Variants in FAM13C observed in about 807,000 individuals in gnomAD.
FAM13C encodes family with sequence similarity 13 member C, also known as protein FAM13C.
FAM13C carries 37 observed loss-of-function variants against 73.2 expected under a neutral mutation model. That is an observed-to-expected ratio of 0.51 (90% CI 0.39 to 0.67). The LOEUF (loss-of-function observed/expected upper bound fraction) is 0.67. Ranked by LOEUF, FAM13C falls within the 30% of genes least tolerant of loss-of-function variation. FAM13C has a pLI of 0.00. For missense variants in FAM13C, 589 were observed against 715.6 expected, an observed-to-expected ratio of 0.82 and a Z score of 2.02; for synonymous variants, 246 against 260.9, an observed-to-expected ratio of 0.94 and a Z score of 0.55.
intron 4 of FAM13C, among the ~76,000 whole-genome samples, chr10:59,313,956 GCA>G (rs1849236443): frequency 6.6e-6 from 1 of 152,124 alleles, no homozygotes; most frequent in African/African-American, 2.4e-5. Flanking sequence ...GCTGAAAACT[GCA>G]CAGTCAAAAG....
intron 5 of FAM13C, among the ~76,000 whole-genome samples, chr10:59,293,679 T>C (rs1033181341): frequency 2.0e-5 from 3 of 152,144 alleles, no homozygotes; most frequent in African/African-American, 7.2e-5. Flanking sequence ...AGGCCAAAAA[T>C]GTCCTAAAAA....
intron 6 of FAM13C, among the ~76,000 whole-genome samples, chr10:59,271,681 C>A (rs1366367135): frequency 6.6e-6 from 1 of 152,188 alleles, no homozygotes; most frequent in Non-Finnish European, 1.5e-5. Flanking sequence ...AGTTACTAAC[C>A]AATAACTCAT....
At chr10:59,254,575 T>A in intron 10 of FAM13C, 132 bp from the exon 11 acceptor site, 1 of 359,274 alleles carries the variant, frequency 2.8e-6, no homozygotes, top group Non-Finnish European at 4.8e-6. Context: ...AAAAGGAAAG[T>A]CATTTATTTA....
chr10:59,269,804 A>G lies in FAM13C; in HGVS notation c.803+95T>C, dbSNP rs748838575. On this transcript the variant is annotated intron_variant, in intron 7 of 13. Coordinates refer to ENST00000618804, the MANE Select transcript of FAM13C (RefSeq NM_198215.4). ...TCTCGCAGTTGCGTTAGGCAGGCAC[A>G]TTTGTGCTACTTCAGTCACACTTCA... The G allele has an allele frequency of 4.9e-6, 7 of 1,421,704 alleles. No homozygotes were observed. The Admixed American group carries it at 6.0e-5, about 12-fold the overall frequency. The allele number at this position is 1,421,704 out of a possible 1,614,324, so 88.1% of individuals were successfully genotyped here. A position where few individuals can be genotyped will look rare whatever the true frequency, so the allele number is the denominator to read the frequency against.
intron 3 of FAM13C, among the ~76,000 whole-genome samples, chr10:59,348,842 G>T (rs983034120): frequency 1.9e-4 from 29 of 152,220 alleles, no homozygotes; most frequent in African/African-American, 6.7e-4. Context: ...CACTATGTTG[G>T]CCAGGCTGGT....
At chr10:59,349,137 C>G (rs1172718334) in intron 3 of FAM13C, among the ~76,000 whole-genome samples, 2 of 152,164 alleles carry the variant, frequency 1.3e-5, no homozygotes, top group East Asian at 3.9e-4. Flanking sequence ...ATTATAAACT[C>G]TCATCAGACC....
intron 8 of FAM13C, among the ~76,000 whole-genome samples, chr10:59,265,107 A>C (rs1023105530): frequency 3.3e-5 from 5 of 151,900 alleles, no homozygotes; most frequent in African/African-American, 1.2e-4. Context: ...CAAAGGAAAA[A>C]ACTACTGTGT....
chr10:59,281,213 G>A (rs1844885503), intron 6 of FAM13C, among the ~76,000 whole-genome samples: 1 of 152,154 alleles, frequency 6.6e-6, no homozygotes, highest in Non-Finnish European at 1.5e-5. Flanking sequence ...AAAACTTAAA[G>A]TTTTAAGGTG....
At chr10:59,295,731 C>T (rs1362879247) in intron 5 of FAM13C, among the ~76,000 whole-genome samples, 1 of 152,134 alleles carries the variant, frequency 6.6e-6, no homozygotes, top group Non-Finnish European at 1.5e-5. Context: ...AACTAATATA[C>T]ACTGGAATTA....
chr10:59,362,315 C>T, intron 1 of FAM13C, 84 bp downstream of exon 1: 1 of 1,545,232 alleles, frequency 6.5e-7, no homozygotes, highest in East Asian at 2.3e-5. Flanking sequence ...CGAACAGCGG[C>T]TGGGAACGGT....
chr10:59,338,872 T>A (rs1853114409), intron 3 of FAM13C, among the ~76,000 whole-genome samples: 1 of 152,200 alleles, frequency 6.6e-6, no homozygotes, highest in Non-Finnish European at 1.5e-5. Context: ...CCTTCTTGTA[T>A]TAGTTTCCTA....
chr10:59,280,699 G>T (rs1844825918), intron 6 of FAM13C, among the ~76,000 whole-genome samples: 1 of 152,190 alleles, frequency 6.6e-6, no homozygotes. Flanking sequence ...ACAGTATCTA[G>T]AATACAGTGT....
chr10:59,294,670 G>T (rs1474246654), intron 5 of FAM13C, among the ~76,000 whole-genome samples: 1 of 152,158 alleles, frequency 6.6e-6, no homozygotes, highest in Non-Finnish European at 1.5e-5. Flanking sequence ...GAACTTTTTT[G>T]CCATGCAGTT....
At chr10:59,249,845 T>C (rs1316962077) in intron 13 of FAM13C, among the ~76,000 whole-genome samples, 1 of 152,132 alleles carries the variant, frequency 6.6e-6, no homozygotes, top group Non-Finnish European at 1.5e-5. Flanking sequence ...TTAAGACTCA[T>C]AGGTGCAGTG....
chr10:59,329,448 G>A (rs111583327), intron 3 of FAM13C, among the ~76,000 whole-genome samples: 3 of 135,604 alleles, frequency 2.2e-5, no homozygotes, highest in Non-Finnish European at 4.6e-5. Context: ...CAAATTCTGC[G>A]TCCCAGGTTC....
chr10:59,354,938 C>T (rs1420369036), intron 2 of FAM13C, among the ~76,000 whole-genome samples: 2 of 151,872 alleles, frequency 1.3e-5, no homozygotes, highest in Non-Finnish European at 2.9e-5. Context: ...ATTGGCTTTC[C>T]AGGAAGCTGC....
rs982102355 is a variant in FAM13C at position 59,323,585 on chromosome 10, G to A, written c.443+403C>T. 1.3e-5 allele frequency: 3 copies of A among 229,432 alleles called. No homozygotes were observed. The Admixed American group carries it at 1.6e-4, about 12-fold the overall frequency. The allele number at this position is 229,432 out of a possible 1,614,324, so 14.2% of individuals were successfully genotyped here. ...CACAGCTTTACGAGAAAGTAGAGAA[G>A]GCTAAATGAGAGACTACGTAAAAAT... On this transcript the variant is annotated intron_variant, in intron 4 of 13. Transcript: ENST00000618804.
At position 59,302,804 on chromosome 10, in the gene FAM13C, A is replaced by G; in HGVS notation, c.504T>C (p.Asn168=). 6.2e-7 allele frequency: 1 copy of G among 1,613,816 alleles called. No individual in the cohort carries two copies. Among genetic ancestry groups the G allele is most frequent in the Admixed American group, 1.7e-5 (1 of 60,034 alleles). Residue 168 remains asparagine, a synonymous_variant, in exon 5 of 14, where the codon AAT becomes AAC. Coordinates refer to ENST00000618804, the MANE Select transcript of FAM13C (RefSeq NM_198215.4). ...AACCAGTAATGATTGCACGTACCTC[A>G]TTTAAGTCCTGCCGAGTTTCAAAAG... ...KDAFETRQDL[N]EEEAAQVHGV... is the part of the protein sequence containing the mutation.
At chr10:59,362,628 C>T, upstream of FAM13C, 8 of 1,421,324 alleles carry the variant, frequency 5.6e-6, no homozygotes, top group Non-Finnish European at 7.4e-6. Flanking sequence ...AGGGGCCCAG[C>T]GGCACGGGCG....
Sources: allele counts gnomAD v4.1 joint callset (sites outside exome capture counted in the v4.1 genomes callset), GRCh38; gene constraint gnomAD v4.1.1; transcripts MANE v1.5; gene names NCBI Gene and HGNC (gene_info 2026-07-23, HGNC 2026-07-21).